Variants in AP3B1 observed in about 807,000 individuals in gnomAD.
AP3B1 encodes AP-3 complex subunit beta-1.
A neutral mutation model predicts 132.5 loss-of-function variants in AP3B1; 61 were observed. The ratio of observed to expected loss-of-function variants is 0.46; its 90% CI spans 0.37 to 0.57. The LOEUF is 0.57. Ranked by LOEUF, AP3B1 falls within the 20% of genes least tolerant of loss-of-function variation. AP3B1 has a pLI of 0.00. For missense variants in AP3B1, 1,120 were observed against 1,289.4 expected, an observed-to-expected ratio of 0.87 and a Z score of 2.01; for synonymous variants, 388 against 438.3, an observed-to-expected ratio of 0.89 and a Z score of 1.43.
chr5:78,294,692 C>A lies in AP3B1; in HGVS notation c.-113G>T. 6.5e-7 allele frequency: 1 copy of A among 1,544,970 alleles called. No homozygotes were observed. The highest frequency in any genetic ancestry group is 8.8e-7 in the Non-Finnish European group (1 of 1,131,632). On this transcript the variant is annotated 5_prime_UTR_variant, in exon 1 of 27. Coordinates refer to ENST00000255194, the MANE Select transcript of AP3B1 (RefSeq NM_003664.5). ...TCTCGTACGGAGGAGCGCGCGCAGG[C>A]GCTTCCGGACTCGTCACGGCTCCCT...
intron 2 of AP3B1, among the ~76,000 whole-genome samples, chr5:78,259,754 C>T (rs916361046): frequency 1.2e-4 from 18 of 151,962 alleles, no homozygotes; most frequent in Admixed American, 4.6e-4. Context: ...GATTACTTGA[C>T]GGTAGGAGTT....
chr5:78,290,826 G>A (rs1427783395), intron 1 of AP3B1, among the ~76,000 whole-genome samples: 3 of 152,062 alleles, frequency 2.0e-5, no homozygotes, highest in Admixed American at 6.6e-5. Context: ...GCATGCACCT[G>A]TAGTCCCAGC....
chr5:78,154,953 T>C (rs370363787), intron 14 of AP3B1, among the ~76,000 whole-genome samples: 1 of 152,240 alleles, frequency 6.6e-6, no homozygotes, highest in Admixed American at 6.5e-5. Context: ...TATTGGCCCC[T>C]GACGCCTTAT....
chr5:78,121,451 G>C (rs1247840676), intron 17 of AP3B1, among the ~76,000 whole-genome samples: 1 of 151,938 alleles, frequency 6.6e-6, no homozygotes, highest in Non-Finnish European at 1.5e-5. Flanking sequence ...CTGCTAGCAA[G>C]ACTAATAAAG....
At chr5:78,013,299 C>A (rs1746698126) in intron 26 of AP3B1, among the ~76,000 whole-genome samples, 1 of 152,168 alleles carries the variant, frequency 6.6e-6, no homozygotes, top group Non-Finnish European at 1.5e-5. Flanking sequence ...CCCACTTTAG[C>A]CTCCCAAAGT....
Position 78,161,050 on chromosome 5 carries a change from A to G in AP3B1, c.1363+1769T>C, listed in dbSNP as rs115141099. Among the ~76,000 whole-genome samples, 563 of 152,164 alleles carry G rather than the reference A, an allele frequency of 3.7e-3. 3 individuals carry two copies. The highest frequency in any genetic ancestry group is 0.013 in the African/African-American group (539 of 41,586). ...TGTATCAAAAAACAAAAGCCTAACC[A>G]TTAAAATATCAAAATTTAAAGTAGT... On this transcript the variant is annotated intron_variant, in intron 13 of 26. Coordinates refer to ENST00000255194, the MANE Select transcript of AP3B1 (RefSeq NM_003664.5).
At chr5:78,218,168 G>A (rs145418713) in intron 6 of AP3B1, among the ~76,000 whole-genome samples, 3 of 152,070 alleles carry the variant, frequency 2.0e-5, no homozygotes, top group Admixed American at 1.3e-4. Flanking sequence ...TTAACAATCT[G>A]ACCCTGGGCT....
intron 22 of AP3B1, chr5:78,088,837 G>A (rs919605848): frequency 6.5e-6 from 1 of 153,338 alleles, no homozygotes; most frequent in Non-Finnish European, 1.5e-5. Flanking sequence ...ATGATATGTT[G>A]ACGGTTTTTG....
At chr5:78,139,099 C>T (rs1003672461) in intron 15 of AP3B1, among the ~76,000 whole-genome samples, 1 of 142,468 alleles carries the variant, frequency 7.0e-6, no homozygotes, top group East Asian at 2.1e-4. Flanking sequence ...GGTAAAAAGA[C>T]ATGAAACATG....
chr5:78,043,876 C>T (rs552376710), intron 22 of AP3B1: 2 of 358,906 alleles, frequency 5.6e-6, no homozygotes, highest in South Asian at 5.4e-5. Flanking sequence ...ATGACCAAGG[C>T]TGATCTCCTA....
chr5:78,267,124 A>G (rs1748352596), intron 2 of AP3B1, among the ~76,000 whole-genome samples: 1 of 152,042 alleles, frequency 6.6e-6, no homozygotes, highest in Admixed American at 6.6e-5. Flanking sequence ...TTTAAAAAAC[A>G]GATGAAAGTA....
intron 5 of AP3B1, 74 bp downstream of exon 5, chr5:78,227,298 A>C: frequency 3.4e-6 from 5 of 1,475,964 alleles, no homozygotes; most frequent in Non-Finnish European, 4.7e-6. Flanking sequence ...AGAGCGAATA[A>C]AACAAGCCTC....
chr5:78,008,429 T>A (rs910161359), intron 26 of AP3B1, among the ~76,000 whole-genome samples: 3 of 152,216 alleles, frequency 2.0e-5, no homozygotes, highest in African/African-American at 7.2e-5. Flanking sequence ...TGCAGTTTGG[T>A]TACTTCTGAA....
intron 18 of AP3B1, 148 bp downstream of exon 18, chr5:78,115,976 AAG>A: frequency 1.4e-6 from 1 of 695,250 alleles, no homozygotes; most frequent in Non-Finnish European, 2.6e-6. Flanking sequence ...TTGAAAACTA[AAG>A]AGTGATATAT....
In AP3B1 at chr5:78,039,191, G is replaced by T. The variant is rs139344924; in HGVS notation, c.2661C>A (p.Phe887Leu). The change falls in exon 23 of 27, where the codon TTC (phenylalanine) becomes TTA (leucine). Residue 887 changes from phenylalanine (F) to leucine (L), a missense_variant. This residue lies in a region of AP3B1 where 906 missense variants were observed against 997.1 expected (regional missense o/e 0.91). Coordinates refer to ENST00000255194, the MANE Select transcript of AP3B1 (RefSeq NM_003664.5). ...CAAAAATGCAAGGCTGTCTTGGAAA[G>T]AAATAATGGGCAGCTAGTCCTTTTC... Reference protein sequence around the residue: ...MSGKGLAAHYFFPRQPCIFGD... With the variant: ...MSGKGLAAHYLFPRQPCIFGD... 16,432 of 1,614,086 alleles carry T rather than the reference G, an allele frequency of 0.01. 110 individuals are homozygous for T. Among genetic ancestry groups the T allele is most frequent in the South Asian group, 0.013 (1,166 of 91,086 alleles).
intron 14 of AP3B1, 128 bp downstream of exon 14, chr5:78,156,130 A>C: frequency 1.4e-6 from 1 of 700,064 alleles, no homozygotes; most frequent in African/African-American, 1.8e-5. Context: ...AAGAAATCTT[A>C]GAATCTCAGA....
At chr5:78,101,060 T>A in intron 20 of AP3B1, 35 bp from the exon 21 acceptor site, 1 of 1,318,966 alleles carries the variant, frequency 7.6e-7, no homozygotes, top group South Asian at 1.3e-5. Flanking sequence ...TATCACACGT[T>A]CTGTTTTAAA....
rs527343627 is a variant in AP3B1, at chr5:78,254,306, A to G, written c.204+13214T>C. 2.0e-5 allele frequency among the ~76,000 whole-genome samples: 3 copies of G among 152,296 alleles called. 1 individual carries two copies. The highest frequency in any genetic ancestry group is 3.9e-4 in the East Asian group (2 of 5,174). On this transcript the variant is annotated intron_variant, in intron 2 of 26. Coordinates refer to ENST00000255194, the MANE Select transcript of AP3B1 (RefSeq NM_003664.5). ...GGTAGAAAGTTTATTCAAAGGGATAATATCAGAGAACTTCCCAAACCTAGA... is the reference window on the plus strand; with the variant it reads ...GGTAGAAAGTTTATTCAAAGGGATAGTATCAGAGAACTTCCCAAACCTAGA...
intron 1 of AP3B1, among the ~76,000 whole-genome samples, chr5:78,271,202 A>G (rs1182584302): frequency 6.6e-6 from 1 of 152,142 alleles, no homozygotes; most frequent in Non-Finnish European, 1.5e-5. Flanking sequence ...CGAGAGGATC[A>G]CCTGAGGTCG....
Sources: gnomAD v4.1 joint callset for allele counts (sites outside exome capture counted in the v4.1 genomes callset) on GRCh38, gnomAD v4.1.1 for gene constraint, gnomAD v4.1.1 regional missense constraint, MANE v1.5 for transcripts, NCBI Gene and HGNC (gene_info 2026-07-23, HGNC 2026-07-21) for gene names.